CALCRL: variants seen among roughly 807,000 people sequenced by gnomAD.
CALCRL encodes calcitonin receptor like receptor, also known as calcitonin gene-related peptide type 1 receptor.
In CALCRL, 27 loss-of-function variants were observed where a neutral mutation model predicts 60.4. The observed-to-expected ratio is 0.45, with a 90% CI of 0.33 to 0.62. The LOEUF (loss-of-function observed/expected upper bound fraction) is 0.62, where lower values mean the gene tolerates loss of function less well. Among genes scored for constraint, CALCRL ranks in the 20% least tolerant of loss-of-function variants. The pLI, the probability that CALCRL is intolerant of heterozygous loss-of-function variation, is 0.03. For synonymous variants in CALCRL, 190 were observed against 182.6 expected (o/e 1.04, Z -0.33); for missense variants, 424 against 540.7 (o/e 0.78, Z 2.14).
intron 7 of CALCRL, among the ~76,000 whole-genome samples, chr2:187,379,719 A>C (rs2105778338): frequency 6.6e-6 from 1 of 152,318 alleles, no homozygotes; most frequent in East Asian, 1.9e-4. Flanking sequence ...TAATCTTTTA[A>C]GTATTTCCCT....
chr2:187,366,553 A>G (rs1330643586), intron 8 of CALCRL, among the ~76,000 whole-genome samples: 1 of 152,170 alleles, frequency 6.6e-6, no homozygotes, highest in East Asian at 1.9e-4. Context: ...CATGTCAATT[A>G]AAAAGTGAAA....
At chr2:187,426,244 T>TA (rs1018297703) in intron 1 of CALCRL, among the ~76,000 whole-genome samples, 20 of 149,688 alleles carry the variant, frequency 1.3e-4, no homozygotes, top group East Asian at 3.9e-4. Context: ...CATTTATTAT[T>TA]TTTTTTTTTT....
chr2:187,440,407 A>G (rs376341120), intron 1 of CALCRL, among the ~76,000 whole-genome samples: 117 of 152,316 alleles, frequency 7.7e-4, no homozygotes, highest in Non-Finnish European at 1.5e-3. Flanking sequence ...TTAAAAAAGC[A>G]CATGCCATTT....
intron 12 of CALCRL, among the ~76,000 whole-genome samples, chr2:187,354,585 T>C (rs1342496524): frequency 6.6e-6 from 1 of 152,018 alleles, no homozygotes; most frequent in African/African-American, 2.4e-5. Flanking sequence ...AGCTTGGAAT[T>C]GGCCAGGACC....
At chr2:187,447,463 C>T (rs1044740543) in intron 1 of CALCRL, among the ~76,000 whole-genome samples, 7 of 150,918 alleles carry the variant, frequency 4.6e-5, no homozygotes, top group African/African-American at 7.3e-5. Flanking sequence ...CATCTGGCAA[C>T]AATGAACACA....
intron 12 of CALCRL, among the ~76,000 whole-genome samples, chr2:187,353,076 A>G (rs1310155092): frequency 6.6e-6 from 1 of 151,932 alleles, no homozygotes; most frequent in Non-Finnish European, 1.5e-5. Context: ...CTCTAATGTG[A>G]CTCAGCAAAC....
intron 1 of CALCRL, among the ~76,000 whole-genome samples, chr2:187,420,227 G>A (rs1449076849): frequency 2.0e-5 from 3 of 152,108 alleles, no homozygotes; most frequent in African/African-American, 7.2e-5. Flanking sequence ...AGAGGTTTCT[G>A]TCTTTCATAT....
chr2:187,431,672 G>A (rs1414270767), intron 1 of CALCRL, among the ~76,000 whole-genome samples: 1 of 151,924 alleles, frequency 6.6e-6, no homozygotes, highest in African/African-American at 2.4e-5. Context: ...CTTGGCCCTA[G>A]GAAGATGTGT....
Position 187,360,658 on chromosome 2 carries a change from T to C in CALCRL, c.721A>G (p.Ile241Val). ...TTCTCTGCAAACACGGCCACCACAA[T>C]GAGTGTGTGTAGGTAAATGCCTTCA... is the stretch of plus-strand genomic sequence containing the variant. ...LCEGIYLHTLIVVAVFAEKQH... is the reference protein window; with the variant it reads ...LCEGIYLHTLVVVAVFAEKQH... Residue 241 changes from isoleucine to valine, a missense_variant, in exon 10 of 15, where the codon ATT (isoleucine) becomes GTT (valine). This residue lies in a region of CALCRL where 222 missense variants were observed against 265.6 expected (regional missense o/e 0.84). Transcript: ENST00000392370. The C allele has an allele frequency of 1.9e-6, 3 of 1,612,694 alleles. No homozygotes were observed. Among genetic ancestry groups the C allele is most frequent in the Non-Finnish European group, 2.5e-6 (3 of 1,179,180 alleles).
intron 1 of CALCRL, among the ~76,000 whole-genome samples, chr2:187,390,748 G>T (rs1688403413): frequency 6.6e-6 from 1 of 152,062 alleles, no homozygotes; most frequent in Non-Finnish European, 1.5e-5. Context: ...GGAATAAGGT[G>T]GTATTTTTCA....
chr2:187,402,466 G>A (rs67937232), intron 1 of CALCRL, among the ~76,000 whole-genome samples: 13,123 of 151,308 alleles, frequency 0.087, 688 homozygotes, highest in South Asian at 0.17. Context: ...AGACATCTAC[G>A]TAGAGAATAT....
chr2:187,400,300 C>A (rs1214616071), intron 1 of CALCRL, among the ~76,000 whole-genome samples: 1 of 151,278 alleles, frequency 6.6e-6, no homozygotes, highest in Non-Finnish European at 1.5e-5. Flanking sequence ...TATTCTTAGT[C>A]ATTAGGAAAA....
At position 187,342,309 on chromosome 2, in the gene CALCRL, A is replaced by G. The variant is rs1450317035; in HGVS notation, c.*3875T>C. Among the ~76,000 whole-genome samples the G allele has an allele frequency of 1.3e-5, 2 of 151,720 alleles. No homozygotes were observed. Among genetic ancestry groups the G allele is most frequent in the Non-Finnish European group, 3.0e-5 (2 of 67,708 alleles). On this transcript the variant is annotated 3_prime_UTR_variant, in exon 15 of 15. Coordinates refer to ENST00000392370, the MANE Select transcript of CALCRL (RefSeq NM_005795.6). Reference sequence around the variant, plus strand: ...TTCTTCTCAAGGTCATAAAAATGTAATGAAATTGGTGATGGTAGCGTGTCT... The same window carrying G: ...TTCTTCTCAAGGTCATAAAAATGTAGTGAAATTGGTGATGGTAGCGTGTCT...
At chr2:187,367,004 T>C in intron 8 of CALCRL, among the ~76,000 whole-genome samples, 1 of 151,480 alleles carries the variant, frequency 6.6e-6, no homozygotes, top group Non-Finnish European at 1.5e-5. Flanking sequence ...GGATATACCA[T>C]ATTTCTCTTT....
intron 12 of CALCRL, among the ~76,000 whole-genome samples, chr2:187,358,606 C>T (rs1212128001): frequency 1.3e-5 from 2 of 151,084 alleles, no homozygotes; most frequent in African/African-American, 4.9e-5. Context: ...GACTTCCTTG[C>T]CCTGAGACAT....
intron 1 of CALCRL, among the ~76,000 whole-genome samples, chr2:187,437,744 T>G (rs985083106): frequency 2.6e-5 from 4 of 152,132 alleles, no homozygotes; most frequent in Non-Finnish European, 5.9e-5. Context: ...AGTTTAGGGA[T>G]AAGAGTTAAG....
chr2:187,402,464 A>G (rs541059575), intron 1 of CALCRL, among the ~76,000 whole-genome samples: 17 of 151,516 alleles, frequency 1.1e-4, no homozygotes, highest in East Asian at 5.8e-4. Flanking sequence ...AGAGACATCT[A>G]CGTAGAGAAT....
At chr2:187,350,514 TG>T (rs149681671) in intron 14 of CALCRL, among the ~76,000 whole-genome samples, 13,392 of 151,368 alleles carry the variant, frequency 0.088, 704 homozygotes, top group South Asian at 0.17. Context: ...CTTAAATGTA[TG>T]AAATATAGTC....
chr2:187,394,064 C>T (rs1437489547), intron 1 of CALCRL, among the ~76,000 whole-genome samples: 4 of 151,970 alleles, frequency 2.6e-5, no homozygotes, highest in Non-Finnish European at 4.4e-5. Context: ...AAATTGAGCT[C>T]TTAAAAGAAG....
Sources: gnomAD v4.1 joint callset for allele counts (sites outside exome capture counted in the v4.1 genomes callset) on GRCh38, gnomAD v4.1.1 for gene constraint, gnomAD v4.1.1 regional missense constraint, MANE v1.5 for transcripts, NCBI Gene and HGNC (gene_info 2026-07-23, HGNC 2026-07-21) for gene names.